DNAAF1: variants seen among roughly 807,000 people sequenced by gnomAD.
The protein encoded by DNAAF1 is dynein axonemal assembly factor 1, also known as dynein assembly factor 1, axonemal.
In DNAAF1, 65 loss-of-function variants were observed where a neutral mutation model predicts 71.1. The ratio of observed to expected loss-of-function variants is 0.91; its 90% CI spans 0.75 to 1.12. The LOEUF (loss-of-function observed/expected upper bound fraction) is 1.12. Among genes scored for constraint, DNAAF1 ranks in the 50% most tolerant of loss-of-function variants. The pLI is 0.00. For synonymous variants in DNAAF1, 414 were observed against 354.6 expected (o/e 1.17, Z -1.88); for missense variants, 1,178 against 899.8 (o/e 1.31, Z -3.96).
In DNAAF1 at chr16:84,170,190, G is replaced by A; in HGVS notation, c.1362G>A (p.Glu454=). Reference sequence around the variant, plus strand: ...CCCCACCACCCCCGCCACCTGTGGAGGTTAAAGGAGAGGATGGAGATCAAG... The same window carrying A: ...CCCCACCACCCCCGCCACCTGTGGAAGTTAAAGGAGAGGATGGAGATCAAG... ...AEAPPPPPPV[E]VKGEDGDQEP... Residue 454 remains glutamate, a synonymous_variant, in exon 8 of 12, where the codon GAG becomes GAA. Coordinates refer to ENST00000378553, the MANE Select transcript of DNAAF1 (RefSeq NM_178452.6). 1 of 1,610,706 alleles carries A rather than the reference G, an allele frequency of 6.2e-7. No homozygotes were observed. The highest frequency in any genetic ancestry group is 8.5e-7 in the Non-Finnish European group (1 of 1,178,366).
At chr16:84,169,754 C>A (rs949236933) in intron 7 of DNAAF1, 105 bp from the exon 8 acceptor site, 2 of 1,530,530 alleles carry the variant, frequency 1.3e-6, no homozygotes, top group Non-Finnish European at 1.8e-6. Context: ...TGTTCCTGAC[C>A]TTTTCCCTGG....
At chr16:84,153,147 GA>G (rs528877267) in intron 3 of DNAAF1, among the ~76,000 whole-genome samples, 39 of 149,512 alleles carry the variant, frequency 2.6e-4, no homozygotes, top group Non-Finnish European at 4.2e-4. Context: ...CTATCTTAAA[GA>G]AAAAAAAAAT....
chr16:84,154,865 C>T (rs932131328), intron 4 of DNAAF1, 67 bp downstream of exon 4: 5 of 1,315,626 alleles, frequency 3.8e-6, no homozygotes, highest in African/African-American at 2.9e-5. Flanking sequence ...GAGGGATGTT[C>T]TAAGCTTTTA....
chr16:84,176,120 C>G lies in DNAAF1; in HGVS notation c.1886C>G (p.Ala629Gly), dbSNP rs1355201264. The G allele has an allele frequency of 1.9e-6, 3 of 1,613,882 alleles. No homozygotes were observed. Among genetic ancestry groups the G allele is most frequent in the Non-Finnish European group, 2.5e-6 (3 of 1,179,958 alleles). ...VPFTDIFKKE[A>G]KRDLEIRKQD... ...TTCACAGACATCTTTAAAAAAGAAG[C>G]TAAGAGGGACTTGGAAATCCGAAAA... Residue 629 changes from alanine to glycine, a missense_variant, in exon 11 of 12, where the codon GCT (alanine) becomes GGT (glycine). Ala to Gly is a moderately conservative substitution (Grantham distance 60, BLOSUM62 0). Transcript: ENST00000378553.
Position 84,150,118 on chromosome 16 carries a change from A to G in DNAAF1, c.261-133A>G, listed in dbSNP as rs2087115561. On this transcript the variant is annotated intron_variant, in intron 2 of 11. Coordinates refer to ENST00000378553, the MANE Select transcript of DNAAF1 (RefSeq NM_178452.6). ...GGAAAGGAGAAAGAGAAAAAGACGA[A>G]CTTAAAATAGGTATCAGGGATATAG... 8.8e-6 allele frequency: 6 copies of G among 678,672 alleles called. No homozygotes were observed. The South Asian group carries it at 1.0e-4, about 11-fold the overall frequency. 42.0% of individuals were successfully genotyped at this position (678,672 alleles called of 1,614,324 possible).
At chr16:84,163,875 T>G (rs76434918) in intron 6 of DNAAF1, among the ~76,000 whole-genome samples, 74,295 of 149,362 alleles carry the variant, frequency 0.5, 18,511 homozygotes, top group South Asian at 0.58. Flanking sequence ...TTTTTTTTTG[T>G]GGGGGACAGC....
At chr16:84,173,474 A>G (rs1032670165) in intron 9 of DNAAF1, 10 of 984,314 alleles carry the variant, frequency 1.0e-5, no homozygotes, top group Non-Finnish European at 1.2e-5. Context: ...AAAAAAGAAA[A>G]AAAGAGTTAA....
intron 6 of DNAAF1, among the ~76,000 whole-genome samples, chr16:84,161,418 C>T (rs936339744): frequency 6.6e-6 from 1 of 152,178 alleles, no homozygotes; most frequent in Non-Finnish European, 1.5e-5. Flanking sequence ...CGGGGTTGCA[C>T]TCTGTCACCC....
At chr16:84,148,596 CTTTTT>C (rs765676142) in intron 1 of DNAAF1, among the ~76,000 whole-genome samples, 1 of 43,576 alleles carries the variant, frequency 2.3e-5, no homozygotes, top group African/African-American at 9.2e-5. Flanking sequence ...CTCTCTCTCT[CTTTTT>C]TTTTTTTTTT....
chr16:84,145,423 G>A lies in DNAAF1; in HGVS notation c.-18G>A. The stretch of plus-strand genomic sequence containing the variant: ...GGCCCCCCAAAGCTGCGGGGCGTTC[G>A]GTGTCGCCGAAGTAAACATGCACCC... On this transcript the variant is annotated 5_prime_UTR_variant, in exon 1 of 12. Transcript: ENST00000378553. 6.3e-7 allele frequency: 1 copy of A among 1,576,128 alleles called. No homozygotes were observed. The highest frequency in any genetic ancestry group is 1.2e-5 in the South Asian group (1 of 85,784).
At chr16:84,174,820 C>A in intron 10 of DNAAF1, 98 bp downstream of exon 10, 1 of 1,477,180 alleles carries the variant, frequency 6.8e-7, no homozygotes, top group Non-Finnish European at 9.4e-7. Context: ...GTAAAATGTT[C>A]CCTGTGCATA....
intron 7 of DNAAF1, among the ~76,000 whole-genome samples, chr16:84,169,167 G>A (rs891569892): frequency 6.8e-6 from 1 of 146,086 alleles, no homozygotes; most frequent in East Asian, 2.0e-4. Flanking sequence ...TCTGTCTCCT[G>A]GGTTCAAGCG....
chr16:84,156,054 C>A (rs901746889), intron 5 of DNAAF1, among the ~76,000 whole-genome samples: 1 of 152,154 alleles, frequency 6.6e-6, no homozygotes, highest in African/African-American at 2.4e-5. Flanking sequence ...ACCTCTGCCT[C>A]TGGGTTCAAG....
chr16:84,170,961 A>G lies in DNAAF1; in HGVS notation c.1528+605A>G, dbSNP rs531213910. ...ATGTTAACATGGAATCAATATAAAA[A>G]TTATCAGTGAGCTATTTTACTTTTT... is the stretch of plus-strand genomic sequence containing the variant. On this transcript the variant is annotated intron_variant, in intron 8 of 11. Transcript: ENST00000378553. Among the ~76,000 whole-genome samples the G allele has an allele frequency of 2.0e-5, 3 of 152,368 alleles. No individual in the cohort carries two copies. In the East Asian group the frequency reaches 5.8e-4, roughly 29 times the overall value.
chr16:84,162,849 A>G (rs953982357), intron 6 of DNAAF1, among the ~76,000 whole-genome samples: 1 of 151,534 alleles, frequency 6.6e-6, no homozygotes, highest in Non-Finnish European at 1.5e-5. Flanking sequence ...TACCATCCCC[A>G]TTAGCAGCCA....
chr16:84,171,775 G>A (rs1302716207), intron 8 of DNAAF1, among the ~76,000 whole-genome samples: 1 of 152,166 alleles, frequency 6.6e-6, no homozygotes, highest in Non-Finnish European at 1.5e-5. Context: ...CCAGATTACA[G>A]AAAAGGGCAG....
At chr16:84,150,734 C>A (rs1157702439) in intron 3 of DNAAF1, among the ~76,000 whole-genome samples, 6 of 151,672 alleles carry the variant, frequency 4.0e-5, no homozygotes, top group African/African-American at 1.5e-4. Flanking sequence ...CCTACCTCAG[C>A]CTCCTGAGTA....
chr16:84,161,040 A>C (rs934084655), intron 6 of DNAAF1, among the ~76,000 whole-genome samples: 6 of 151,716 alleles, frequency 4.0e-5, no homozygotes, highest in African/African-American at 1.5e-4. Flanking sequence ...AAGGACGGGG[A>C]GAGCAGCCAG....
chr16:84,159,711 C>G lies in DNAAF1; in HGVS notation c.778C>G (p.Gln260Glu), dbSNP rs2087613070. The G allele has an allele frequency of 6.2e-7, 1 of 1,613,836 alleles. No individual in the cohort carries two copies. The highest frequency in any genetic ancestry group is 1.3e-5 in the African/African-American group (1 of 74,904). ...TTTGATGGGAAACCCGGTTATCAGA[C>G]AGATTCCTAATTACAGAAGGACAGT... is the stretch of plus-strand genomic sequence containing the variant. ...LNLMGNPVIRQIPNYRRTVTV... is the reference protein window; with the variant it reads ...LNLMGNPVIREIPNYRRTVTV... The change falls in exon 6 of 12, where the codon CAG becomes GAG. Residue 260 changes from glutamine (Q) to glutamate (E), a missense_variant. Transcript: ENST00000378553.
Sources: gnomAD v4.1 joint callset for allele counts (sites outside exome capture counted in the v4.1 genomes callset) on GRCh38, gnomAD v4.1.1 for gene constraint, MANE v1.5 for transcripts, NCBI Gene and HGNC (gene_info 2026-07-23, HGNC 2026-07-21) for gene names.